Variants in DIAPH2 observed in about 807,000 individuals in gnomAD.
DIAPH2 encodes protein diaphanous homolog 2.
DIAPH2 carries 35 observed loss-of-function variants against 92.7 expected under a neutral mutation model. That is an observed-to-expected ratio of 0.38 (90% CI 0.29 to 0.50). DIAPH2 has a LOEUF of 0.50. DIAPH2 is among the 20% of genes least tolerant of loss of function. DIAPH2 has a pLI of 0.94. For synonymous variants in DIAPH2, 301 were observed against 280.4 expected, an observed-to-expected ratio of 1.07 and a Z score of -0.73; for missense variants, 701 against 819.5, an observed-to-expected ratio of 0.86 and a Z score of 1.77.
intron 26 of DIAPH2, among the ~76,000 whole-genome samples, chrX:97,521,180 C>A (rs1220677636): frequency 9.0e-6 from 1 of 111,604 alleles, no homozygotes; most frequent in Non-Finnish European, 1.9e-5. Flanking sequence ...GGAAGCAGTC[C>A]CTCACCAGAC....
Position 97,603,130 on chromosome X carries a change from T to G in DIAPH2, c.*3813T>G, listed in dbSNP as rs1424615744. On this transcript the variant is annotated 3_prime_UTR_variant, in exon 27 of 27. Coordinates refer to ENST00000324765, the MANE Select transcript of DIAPH2 (RefSeq NM_006729.5). Reference sequence around the variant, plus strand: ...GAGCACACTTTTCTAACAGTGAATCTCCTAATTTTAGCATCTTTTTTTTTT... The same window carrying G: ...GAGCACACTTTTCTAACAGTGAATCGCCTAATTTTAGCATCTTTTTTTTTT... 2.5e-5 allele frequency: 2 copies of G among 79,511 alleles called. No individual in the cohort carries two copies. Among genetic ancestry groups the G allele is most frequent in the African/African-American group, 9.3e-5 (2 of 21,417 alleles). The allele number at this position is 79,511 out of a possible 1,213,427, so 6.6% of individuals were successfully genotyped here.
chrX:97,353,202 C>A (rs2069234693), intron 24 of DIAPH2, among the ~76,000 whole-genome samples: 1 of 110,726 alleles, frequency 9.0e-6, no homozygotes, highest in Non-Finnish European at 1.9e-5. Flanking sequence ...TTTGCTTATT[C>A]TCCTTTCTAT....
chrX:97,383,960 A>T lies in DIAPH2; in HGVS notation c.3061A>T (p.Arg1021Trp). The T allele has an allele frequency of 8.3e-7, 1 of 1,205,824 alleles. No individual in the cohort carries two copies. The highest frequency in any genetic ancestry group is 1.1e-6 in the Non-Finnish European group (1 of 891,722). ...KRREMEEKTR[R>W]AKLAKEKAEQ... ...AAGAGAAATGGAAGAGAAGACCAGG[A>T]GGGCAAAACTTGCAAAAGAGAAAGC... is the stretch of plus-strand genomic sequence containing the variant. Residue 1021 changes from arginine (R) to tryptophan (W), a missense_variant, in exon 25 of 27, where the codon AGG becomes TGG. Physicochemically the swap from Arg to Trp is moderately radical, Grantham distance 101 (BLOSUM62 -3). Transcript: ENST00000324765.
chrX:96,900,959 C>T (rs768517739), intron 5 of DIAPH2, among the ~76,000 whole-genome samples: 2 of 111,633 alleles, frequency 1.8e-5, no homozygotes, highest in Admixed American at 1.9e-4. Flanking sequence ...TTTGGTATTA[C>T]GGTGATACTG....
intron 22 of DIAPH2, among the ~76,000 whole-genome samples, chrX:97,142,281 G>A (rs1221165918): frequency 8.9e-6 from 1 of 111,743 alleles, no homozygotes; most frequent in Non-Finnish European, 1.9e-5. Flanking sequence ...GAGGAGGAAA[G>A]TACTCTTGAA....
intron 4 of DIAPH2, among the ~76,000 whole-genome samples, chrX:96,815,548 G>T (rs757189701): frequency 8.9e-6 from 1 of 112,428 alleles, no homozygotes; most frequent in South Asian, 3.7e-4. Flanking sequence ...TGCCCAAGCA[G>T]TCCCAATGAG....
chrX:97,514,579 A>T (rs1936624602), intron 26 of DIAPH2, among the ~76,000 whole-genome samples: 1 of 111,375 alleles, frequency 9.0e-6, no homozygotes, highest in African/African-American at 3.3e-5. Context: ...GGAGGAGGAG[A>T]GGCGCTCTGA....
intron 3 of DIAPH2, among the ~76,000 whole-genome samples, chrX:96,751,652 G>GTTTTTTTTT (rs1219167141): frequency 1.2e-4 from 7 of 60,297 alleles, no homozygotes; most frequent in African/African-American, 3.2e-4. Context: ...TCAGTGTTTT[G>GTTTTTTTTT]TTTTTTTTTT....
At chrX:97,435,912 A>G (rs1035741892) in intron 26 of DIAPH2, among the ~76,000 whole-genome samples, 9 of 103,081 alleles carry the variant, frequency 8.7e-5, no homozygotes, top group African/African-American at 3.3e-4. Flanking sequence ...GGTTCATGCC[A>G]TTCTCTTGCC....
intron 26 of DIAPH2, among the ~76,000 whole-genome samples, chrX:97,468,816 G>A (rs1385865614): frequency 9.0e-6 from 1 of 110,945 alleles, no homozygotes; most frequent in Non-Finnish European, 1.9e-5. Flanking sequence ...TCAAAACACA[G>A]GTAACTGGAA....
chrX:97,185,496 T>TACATAC (rs1284612319), intron 22 of DIAPH2, among the ~76,000 whole-genome samples: 10 of 49,144 alleles, frequency 2.0e-4, no homozygotes, highest in African/African-American at 6.5e-4. Context: ...TATATATATA[T>TACATAC]ATATATATAT....
At chrX:96,943,266 C>T (rs888231873) in intron 13 of DIAPH2, among the ~76,000 whole-genome samples, 4 of 110,872 alleles carry the variant, frequency 3.6e-5, no homozygotes, top group African/African-American at 9.8e-5. Context: ...TCTTTTTGTG[C>T]GTTCATAATT....
chrX:96,843,816 G>C (rs73250755), intron 4 of DIAPH2, among the ~76,000 whole-genome samples: 11,655 of 110,794 alleles, frequency 0.11, 554 homozygotes, highest in East Asian at 0.31. Context: ...GACCCTCCCC[G>C]TTATCTGCCT....
intron 4 of DIAPH2, among the ~76,000 whole-genome samples, chrX:96,783,555 T>C (rs2064434372): frequency 8.9e-6 from 1 of 112,228 alleles, no homozygotes; most frequent in African/African-American, 3.2e-5. Context: ...TGAAGACATA[T>C]GTAGAAGAGC....
chrX:97,420,618 A>G (rs1395836362), intron 25 of DIAPH2, among the ~76,000 whole-genome samples: 1 of 111,890 alleles, frequency 8.9e-6, no homozygotes, highest in Non-Finnish European at 1.9e-5. Context: ...ATTTTCCCCT[A>G]TGGTTTTAAC....
intron 17 of DIAPH2, among the ~76,000 whole-genome samples, chrX:97,060,190 A>T (rs1247075260): frequency 1.8e-5 from 2 of 112,580 alleles, no homozygotes; most frequent in African/African-American, 6.4e-5. Context: ...GGAAGCAACA[A>T]TGATCCCCCA....
intron 26 of DIAPH2, among the ~76,000 whole-genome samples, chrX:97,543,666 G>A (rs898771548): frequency 3.7e-5 from 4 of 109,485 alleles, no homozygotes; most frequent in African/African-American, 6.7e-5. Context: ...CACCACACCC[G>A]GCTAATTTTT....
intron 17 of DIAPH2, among the ~76,000 whole-genome samples, chrX:97,029,884 A>G (rs1343592222): frequency 9.0e-6 from 1 of 111,078 alleles, no homozygotes; most frequent in Non-Finnish European, 1.9e-5. Context: ...TGTGTCCTCT[A>G]CTTTTTTCTT....
intron 13 of DIAPH2, 48 bp downstream of exon 13, chrX:96,942,184 T>C (rs1329635460): frequency 2.1e-5 from 16 of 754,707 alleles, no homozygotes; most frequent in Admixed American, 7.0e-5. Context: ...TTGTGCCTTC[T>C]GTATTATAAG....
Sources: gnomAD v4.1 joint callset for allele counts (sites outside exome capture counted in the v4.1 genomes callset) on GRCh38, gnomAD v4.1.1 for gene constraint, MANE v1.5 for transcripts, NCBI Gene and HGNC (gene_info 2026-07-23, HGNC 2026-07-21) for gene names.